The following EBF1 variants were observed in gnomAD, a reference collection of about 807,000 sequenced individuals.
EBF1 encodes transcription factor COE1.
EBF1 carries 10 observed loss-of-function variants against 68.4 expected under a neutral mutation model. The ratio of observed to expected loss-of-function variants is 0.15; its 90% CI spans 0.09 to 0.25. The LOEUF is 0.25. Ranked by LOEUF, EBF1 falls within the 10% of genes least tolerant of loss-of-function variation. The pLI, the probability that EBF1 is intolerant of heterozygous loss-of-function variation, is 1.00. For missense variants in EBF1, 509 were observed against 794.4 expected, an observed-to-expected ratio of 0.64 and a Z score of 4.32; for synonymous variants, 298 against 299.8, an observed-to-expected ratio of 0.99 and a Z score of 0.06.
At chr5:158,830,893 G>C (rs1482857186) in intron 7 of EBF1, among the ~76,000 whole-genome samples, 1 of 152,162 alleles carries the variant, frequency 6.6e-6, no homozygotes, top group Non-Finnish European at 1.5e-5. Flanking sequence ...GTGGTTAATG[G>C]AATTACATTC....
chr5:158,761,748 C>T (rs1233507563), intron 10 of EBF1, among the ~76,000 whole-genome samples: 1 of 152,094 alleles, frequency 6.6e-6, no homozygotes, highest in African/African-American at 2.4e-5. Context: ...CATGACATCC[C>T]AGGATTCACA....
At chr5:158,913,805 C>T (rs1241137133) in intron 6 of EBF1, among the ~76,000 whole-genome samples, 3 of 152,176 alleles carry the variant, frequency 2.0e-5, no homozygotes, top group Non-Finnish European at 2.9e-5. Context: ...GAGTATTATA[C>T]CAACAGACTG....
chr5:158,990,338 C>T (rs1237468634), intron 6 of EBF1, among the ~76,000 whole-genome samples: 1 of 152,230 alleles, frequency 6.6e-6, no homozygotes, highest in Non-Finnish European at 1.5e-5. Context: ...CAAGCTTCTT[C>T]ACTGGAGAAA....
At chr5:158,819,670 C>G (rs1784439886) in intron 8 of EBF1, among the ~76,000 whole-genome samples, 1 of 152,170 alleles carries the variant, frequency 6.6e-6, no homozygotes, top group African/African-American at 2.4e-5. Flanking sequence ...TCCTTTCATC[C>G]CGAGCTCATG....
chr5:159,099,539 AAAGG>A lies in EBF1; in HGVS notation c.-65_-62del. The A allele has an allele frequency of 1.4e-6, 2 of 1,419,456 alleles. No homozygotes were observed. The highest frequency in any genetic ancestry group is 1.9e-6 in the Non-Finnish European group (2 of 1,079,128). 87.9% of individuals were successfully genotyped at this position (1,419,456 alleles called of 1,614,324 possible). ...CTTGAAAAAAATTAAAAAAAAAAAA[AAAGG>A]AAAGAAAAGAAAGAAAAGAAAAGAA... On this transcript the variant is annotated 5_prime_UTR_variant, in exon 1 of 16. Transcript: ENST00000313708.
At chr5:158,808,017 T>C (rs542799152) in intron 8 of EBF1, among the ~76,000 whole-genome samples, 37 of 152,292 alleles carry the variant, frequency 2.4e-4, no homozygotes, top group Non-Finnish European at 4.4e-4. Context: ...CAGTGAACTT[T>C]CATTATTCAG....
chr5:158,743,697 C>A (rs907652781), intron 10 of EBF1, among the ~76,000 whole-genome samples: 2 of 151,920 alleles, frequency 1.3e-5, no homozygotes, highest in Non-Finnish European at 2.9e-5. Flanking sequence ...TAAGGCAATA[C>A]GAAGAATGGG....
Position 158,698,419 on chromosome 5 carries a change from A to G in EBF1, c.*692T>C, listed in dbSNP as rs1231689726. The stretch of plus-strand genomic sequence containing the variant: ...TAGAGGGAAAAATGTGATCACTTAC[A>G]TCGCGTTTTAACTTTCCAGGCTGCA... On this transcript the variant is annotated 3_prime_UTR_variant, in exon 16 of 16. Coordinates refer to ENST00000313708, the MANE Select transcript of EBF1 (RefSeq NM_024007.5). The G allele has an allele frequency of 4.5e-6, 1 of 222,896 alleles. No homozygotes were observed. The highest frequency in any genetic ancestry group is 9.0e-6 in the Non-Finnish European group (1 of 111,316). 13.8% of individuals were successfully genotyped at this position (222,896 alleles called of 1,614,324 possible).
intron 6 of EBF1, among the ~76,000 whole-genome samples, chr5:159,021,802 G>A (rs1458385648): frequency 6.6e-6 from 1 of 152,148 alleles, no homozygotes; most frequent in Non-Finnish European, 1.5e-5. Context: ...AGCTGGAAGG[G>A]ATTCACTTAT....
At chr5:158,849,483 A>G (rs998859113) in intron 6 of EBF1, among the ~76,000 whole-genome samples, 1 of 152,114 alleles carries the variant, frequency 6.6e-6, no homozygotes, top group Non-Finnish European at 1.5e-5. Flanking sequence ...ACCTTCCCAG[A>G]TACCCAGAGC....
At chr5:159,050,185 CTCT>C (rs1248075751) in intron 6 of EBF1, among the ~76,000 whole-genome samples, 4 of 144,002 alleles carry the variant, frequency 2.8e-5, no homozygotes, top group Non-Finnish European at 4.6e-5. Flanking sequence ...TCTCTCTTCT[CTCT>C]TTTCTCTCTC....
intron 8 of EBF1, among the ~76,000 whole-genome samples, chr5:158,801,202 G>A (rs1780520575): frequency 1.3e-5 from 2 of 151,956 alleles, no homozygotes; most frequent in East Asian, 3.9e-4. Context: ...ATGGCACATT[G>A]CAGAGTTAAA....
At chr5:158,992,630 T>C (rs1009812116) in intron 6 of EBF1, among the ~76,000 whole-genome samples, 1 of 152,234 alleles carries the variant, frequency 6.6e-6, no homozygotes, top group African/African-American at 2.4e-5. Context: ...ATGTTCTTTC[T>C]TTTATGCTGA....
chr5:158,776,077 T>G (rs994484118), intron 10 of EBF1, among the ~76,000 whole-genome samples: 1 of 152,148 alleles, frequency 6.6e-6, no homozygotes, highest in African/African-American at 2.4e-5. Flanking sequence ...TTTGTTGGGA[T>G]GGCTGAGCTA....
chr5:158,829,216 A>G (rs1786901809), intron 7 of EBF1, among the ~76,000 whole-genome samples: 1 of 152,136 alleles, frequency 6.6e-6, no homozygotes, highest in Non-Finnish European at 1.5e-5. Context: ...CTGCTCTGTC[A>G]CCCAGACTGG....
chr5:158,859,073 C>T (rs1794552442), intron 6 of EBF1, among the ~76,000 whole-genome samples: 1 of 152,204 alleles, frequency 6.6e-6, no homozygotes, highest in Admixed American at 6.5e-5. Flanking sequence ...AAAGAAAAAT[C>T]AGCCCCTCTC....
chr5:158,747,487 T>C (rs1235588663), intron 10 of EBF1, among the ~76,000 whole-genome samples: 1 of 152,166 alleles, frequency 6.6e-6, no homozygotes, highest in Non-Finnish European at 1.5e-5. Context: ...TTCATATACA[T>C]GATCTATCTC....
chr5:159,036,452 C>G lies in EBF1; in HGVS notation c.554+36944G>C, dbSNP rs989051728. Among the ~76,000 whole-genome samples, 16 of 145,498 alleles carry G rather than the reference C, an allele frequency of 1.1e-4. 1 individual carries two copies. The South Asian group carries it at 3.4e-3, about 31-fold the overall frequency. ...AAACAGCATGGTACTGGTACCAAAACAGAGATATAGATCAATGGAACAGAA... is the reference window on the plus strand; with the variant it reads ...AAACAGCATGGTACTGGTACCAAAAGAGAGATATAGATCAATGGAACAGAA... On this transcript the variant is annotated intron_variant, in intron 6 of 15. Coordinates refer to ENST00000313708, the MANE Select transcript of EBF1 (RefSeq NM_024007.5).
intron 5 of EBF1, among the ~76,000 whole-genome samples, chr5:159,079,138 C>T (rs950392893): frequency 6.6e-6 from 1 of 152,068 alleles, no homozygotes; most frequent in Non-Finnish European, 1.5e-5. Context: ...ATAATAGGCT[C>T]TTCTATCCTC....
Sources: gnomAD v4.1 joint callset for allele counts (sites outside exome capture counted in the v4.1 genomes callset) on GRCh38, gnomAD v4.1.1 for gene constraint, MANE v1.5 for transcripts, NCBI Gene and HGNC (gene_info 2026-07-23, HGNC 2026-07-21) for gene names.